The following RAD54L2 variants were observed in gnomAD, a reference collection of about 807,000 sequenced individuals.
The protein encoded by RAD54L2 is RAD54 like 2, also known as helicase ARIP4.
Under a neutral mutation model 138.4 loss-of-function variants are expected in RAD54L2, and 27 were observed. The observed-to-expected ratio is 0.20, with a 90% CI of 0.14 to 0.27. The LOEUF (loss-of-function observed/expected upper bound fraction) is 0.27. RAD54L2 is among the 10% of genes least tolerant of loss of function. The pLI, the probability that RAD54L2 is intolerant of heterozygous loss-of-function variation, is 1.00. For synonymous variants in RAD54L2, 644 were observed against 723.2 expected (o/e 0.89, Z 1.76); for missense variants, 1,396 against 1,890.2 (o/e 0.74, Z 4.85).
chr3:51,546,978 G>A (rs561909808), intron 2 of RAD54L2, among the ~76,000 whole-genome samples: 2 of 151,556 alleles, frequency 1.3e-5, no homozygotes, highest in Admixed American at 6.6e-5. Flanking sequence ...GCAGTGAGCC[G>A]AGATCTCACC....
At chr3:51,650,088 A>C (rs1701389954) in intron 19 of RAD54L2, among the ~76,000 whole-genome samples, 1 of 152,162 alleles carries the variant, frequency 6.6e-6, no homozygotes, top group African/African-American at 2.4e-5. Flanking sequence ...GGGATGGAGG[A>C]AGACCTGCCA....
chr3:51,608,422 G>T (rs1175363517), intron 3 of RAD54L2, among the ~76,000 whole-genome samples: 1 of 152,182 alleles, frequency 6.6e-6, no homozygotes, highest in Non-Finnish European at 1.5e-5. Context: ...TCCTAGACGG[G>T]GTGGCGGCCG....
Position 51,645,698 on chromosome 3 carries a change from G to A in RAD54L2, c.2764G>A (p.Val922Ile), listed in dbSNP as rs1325429932. ...KEPAPQVSLN[V>I]KGIKESVLQL... ...GCCAGCTCCCCAAGTTTCCTTGAAC[G>A]TAAAGGGGATCAAGGAGTCAGTCCT... The change falls in exon 18 of 23, where the codon GTA (valine) becomes ATA (isoleucine). Residue 922 changes from valine to isoleucine, a missense_variant. By Grantham distance (29) the Val-to-Ile change is conservative. Around this residue, in one of 7 missense-constraint regions of RAD54L2, gnomAD observed 78 missense variants for 171.6 expected, o/e 0.45. Coordinates refer to ENST00000684192, the MANE Select transcript of RAD54L2 (RefSeq NM_015106.4). This position sits in a 1 kb window ranked among gnomAD's most constrained non-coding sequence, Gnocchi z 6.1. 7.4e-6 allele frequency: 12 copies of A among 1,612,416 alleles called. No homozygotes were observed. The highest frequency in any genetic ancestry group is 1.7e-4 in the Middle Eastern group (1 of 6,060).
chr3:51,586,309 G>T (rs1699708067), intron 2 of RAD54L2, among the ~76,000 whole-genome samples: 1 of 151,924 alleles, frequency 6.6e-6, no homozygotes. Context: ...TGTAGATATG[G>T]GCATCGCTGT....
At chr3:51,625,623 G>A (rs1700660509) in intron 3 of RAD54L2, among the ~76,000 whole-genome samples, 1 of 152,046 alleles carries the variant, frequency 6.6e-6, no homozygotes, top group South Asian at 2.1e-4. Flanking sequence ...CATTGGGAAT[G>A]TGAGGCAGAA....
chr3:51,644,482 A>C (rs969247763), intron 16 of RAD54L2, among the ~76,000 whole-genome samples: 2 of 151,748 alleles, frequency 1.3e-5, no homozygotes, highest in African/African-American at 4.8e-5. Flanking sequence ...ACAACAACAA[A>C]ATACCCAAGA....
At chr3:51,560,362 C>CTTTT (rs61485263) in intron 2 of RAD54L2, among the ~76,000 whole-genome samples, 1 of 138,714 alleles carries the variant, frequency 7.2e-6, no homozygotes, top group Non-Finnish European at 1.6e-5. Flanking sequence ...TCTTTTTTTT[C>CTTTT]TTTTTTTTTT....
intron 3 of RAD54L2, among the ~76,000 whole-genome samples, chr3:51,626,926 T>C (rs145682428): frequency 1.1e-4 from 17 of 152,278 alleles, no homozygotes; most frequent in African/African-American, 1.7e-4. Flanking sequence ...CTGTGATATA[T>C]AGCACACCTT....
At chr3:51,579,147 A>G (rs1382041059) in intron 2 of RAD54L2, among the ~76,000 whole-genome samples, 3 of 149,068 alleles carry the variant, frequency 2.0e-5, no homozygotes, top group Non-Finnish European at 4.4e-5. Flanking sequence ...CTCTCTCTGC[A>G]GGCTGAGCCT....
At chr3:51,654,143 G>A (rs1216451363) in intron 19 of RAD54L2, among the ~76,000 whole-genome samples, 2 of 151,864 alleles carry the variant, frequency 1.3e-5, no homozygotes, top group East Asian at 3.9e-4. Flanking sequence ...CGCTTCCTGG[G>A]TTCAAGCAGT....
Position 51,662,628 on chromosome 3 carries a change from C to A in RAD54L2, c.3612C>A (p.Gly1204=), listed in dbSNP as rs1011938251. 17 of 1,610,992 alleles carry A rather than the reference C, an allele frequency of 1.1e-5. 3 individuals are homozygous for A. Reference sequence around the variant, plus strand: ...CAAGCACCAATGCCGCCCTGCCTGGCCCCCCGGCCCAACTTATGGACAGCA... The same window carrying A: ...CAAGCACCAATGCCGCCCTGCCTGGACCCCCGGCCCAACTTATGGACAGCA... ...SSPSTNAALP[G]PPAQLMDSSA... is the part of the protein sequence containing the mutation. The change falls in exon 23 of 23, where the codon GGC becomes GGA. Residue 1204 remains glycine (G), a synonymous_variant. Coordinates refer to ENST00000684192, the MANE Select transcript of RAD54L2 (RefSeq NM_015106.4). This position sits in a 1 kb window ranked among gnomAD's most constrained non-coding sequence, Gnocchi z 4.6.
chr3:51,658,908 G>A (rs1577470670), intron 21 of RAD54L2, among the ~76,000 whole-genome samples: 2 of 150,964 alleles, frequency 1.3e-5, no homozygotes, highest in African/African-American at 2.4e-5. Flanking sequence ...ATTTTCAATT[G>A]GTTGGAAAAA....
intron 14 of RAD54L2, among the ~76,000 whole-genome samples, chr3:51,640,233 T>C (rs1701097137): frequency 1.3e-5 from 2 of 152,222 alleles, no homozygotes; most frequent in Non-Finnish European, 2.9e-5. Context: ...TGGCCTGTTT[T>C]TGTTTACTTT....
At chr3:51,655,658 A>C (rs1295135545) in intron 19 of RAD54L2, among the ~76,000 whole-genome samples, 2 of 152,022 alleles carry the variant, frequency 1.3e-5, no homozygotes, top group African/African-American at 4.8e-5. Flanking sequence ...CCCTTTAGGG[A>C]CTAACTCCTA....
At position 51,639,471 on chromosome 3, in the gene RAD54L2, C is replaced by T; in HGVS notation, c.1913C>T (p.Ala638Val). ...GAAGCCCTTCAGAAGGAGAGCTTGG[C>T]CAATGAGCAGGACCTAGACGTGGAA... Reference protein sequence around the residue: ...LYEALQKESLANEQDLDVEEL... With the variant: ...LYEALQKESLVNEQDLDVEEL... Residue 638 changes from alanine to valine, a missense_variant, in exon 13 of 23, where the codon GCC (alanine) becomes GTC (valine). Physicochemically the swap from Ala to Val is moderately conservative, Grantham distance 64. This residue lies in a region of RAD54L2 where 211 missense variants were observed against 273.8 expected (regional missense o/e 0.77). Transcript: ENST00000684192. 6.2e-7 allele frequency: 1 copy of T among 1,613,940 alleles called. No individual in the cohort carries two copies. Among genetic ancestry groups the T allele is most frequent in the Non-Finnish European group, 8.5e-7 (1 of 1,179,890 alleles).
chr3:51,627,650 T>G lies in RAD54L2; in HGVS notation c.237T>G (p.Ser79=). 6.2e-7 allele frequency: 1 copy of G among 1,602,448 alleles called. No individual in the cohort carries two copies. The highest frequency in any genetic ancestry group is 8.5e-7 in the Non-Finnish European group (1 of 1,174,742). The change falls in exon 4 of 23, where the codon TCT becomes TCG. Residue 79 remains serine, a synonymous_variant. Coordinates refer to ENST00000684192, the MANE Select transcript of RAD54L2 (RefSeq NM_015106.4). ...GCACTTCAACTACCTCATCTCAGTC[T>G]GAGCCTTCAGAGCAGCTTAGGCGCC... ...PRCTSTTSSQ[S]EPSEQLRRHQ...
chr3:51,549,408 C>T (rs1553673078), intron 2 of RAD54L2, among the ~76,000 whole-genome samples: 2 of 152,108 alleles, frequency 1.3e-5, no homozygotes. Flanking sequence ...GGACATAGTT[C>T]GGCAATTGAG....
intron 3 of RAD54L2, among the ~76,000 whole-genome samples, chr3:51,593,844 C>G (rs1388529887): frequency 6.6e-6 from 1 of 152,026 alleles, no homozygotes; most frequent in Non-Finnish European, 1.5e-5. Flanking sequence ...TTTTAGACTT[C>G]TTAGGAATGC....
chr3:51,630,322 T>C lies in RAD54L2; in HGVS notation c.532T>C (p.Leu178=). ...SDGPQLPPRV[L]AQEVICLDSS... is the part of the protein sequence containing the mutation. ...CGGTCCCCAACTGCCTCCTCGGGTC[T>C]TGGCCCAGGAAGTCATTTGTTTGGA... The change falls in exon 6 of 23, where the codon TTG becomes CTG. Residue 178 remains leucine, a synonymous_variant. Transcript: ENST00000684192. 6.2e-7 allele frequency: 1 copy of C among 1,614,048 alleles called. No homozygotes were observed. The highest frequency in any genetic ancestry group is 1.3e-5 in the African/African-American group (1 of 75,070).
Sources: gnomAD v4.1 joint callset for allele counts (sites outside exome capture counted in the v4.1 genomes callset) on GRCh38, gnomAD v4.1.1 for gene constraint, gnomAD v4.1.1 regional missense constraint, Gnocchi (gnomAD v3.1) non-coding constraint, MANE v1.5 for transcripts, NCBI Gene and HGNC (gene_info 2026-07-23, HGNC 2026-07-21) for gene names.